CHRDL1: variants seen among roughly 807,000 people sequenced by gnomAD.
CHRDL1 encodes chordin-like protein 1.
CHRDL1 carries 19 observed loss-of-function variants against 40.9 expected under a neutral mutation model. That is an observed-to-expected ratio of 0.46 (90% confidence interval 0.32 to 0.68). The LOEUF is 0.68. Ranked by LOEUF, CHRDL1 falls within the 30% of genes least tolerant of loss-of-function variation. CHRDL1 has a pLI of 0.03. For missense variants in CHRDL1, 329 were observed against 352.1 expected (o/e 0.93, Z 0.53); for synonymous variants, 136 against 123.4 (o/e 1.10, Z -0.68).
At chrX:110,703,643 A>C (rs1431976120) in intron 6 of CHRDL1, among the ~76,000 whole-genome samples, 1 of 112,162 alleles carries the variant, frequency 8.9e-6, no homozygotes, top group Non-Finnish European at 1.9e-5. Flanking sequence ...AAACAGCCTA[A>C]AAACACACAA....
chrX:110,693,166 G>A (rs1228047449), intron 8 of CHRDL1, among the ~76,000 whole-genome samples: 2 of 109,177 alleles, frequency 1.8e-5, no homozygotes, highest in Non-Finnish European at 3.8e-5. Flanking sequence ...TGGGGGTGGG[G>A]GCAGGGGGCG....
chrX:110,686,650 G>A (rs961196470), intron 9 of CHRDL1, among the ~76,000 whole-genome samples: 3 of 109,976 alleles, frequency 2.7e-5, no homozygotes, highest in African/African-American at 6.7e-5. Context: ...TCCATTGGCC[G>A]GATACAGTGG....
intron 1 of CHRDL1, among the ~76,000 whole-genome samples, chrX:110,793,130 G>A (rs1421258043): frequency 8.9e-6 from 1 of 112,229 alleles, no homozygotes; most frequent in Non-Finnish European, 1.9e-5. Context: ...ATATTGAAAT[G>A]TTCTAAAAAC....
intron 2 of CHRDL1, among the ~76,000 whole-genome samples, chrX:110,763,361 G>A (rs761048509): frequency 2.8e-5 from 3 of 108,212 alleles, no homozygotes; most frequent in Admixed American, 1.0e-4. Flanking sequence ...CCACATATCA[G>A]TGAGATCATA....
At chrX:110,706,901 C>T (rs1051423173) in intron 6 of CHRDL1, among the ~76,000 whole-genome samples, 1 of 112,166 alleles carries the variant, frequency 8.9e-6, no homozygotes, top group Non-Finnish European at 1.9e-5. Flanking sequence ...ATCCCTGAGA[C>T]AGGGGAAATG....
At chrX:110,769,073 T>C (rs2089711394) in intron 2 of CHRDL1, among the ~76,000 whole-genome samples, 1 of 111,799 alleles carries the variant, frequency 8.9e-6, no homozygotes, top group African/African-American at 3.3e-5. Flanking sequence ...TATTTCTCCA[T>C]CAGAGTCCCT....
chrX:110,700,520 T>C (rs1161478106), intron 7 of CHRDL1, 134 bp downstream of exon 7: 1 of 492,402 alleles, frequency 2.0e-6, no homozygotes, highest in East Asian at 3.5e-5. Flanking sequence ...CATTAAAAAC[T>C]TTGAGAAAAG....
At chrX:110,720,030 C>T in intron 5 of CHRDL1, 102 bp from the exon 6 acceptor site, 2 of 455,085 alleles carry the variant, frequency 4.4e-6, no homozygotes, top group Non-Finnish European at 7.6e-6. Context: ...ACGGCATGTC[C>T]TTCCCCCCAG....
chrX:110,692,565 A>T (rs1256595275), intron 8 of CHRDL1, among the ~76,000 whole-genome samples: 2 of 112,505 alleles, frequency 1.8e-5, no homozygotes, highest in Non-Finnish European at 1.9e-5. Context: ...AGGCTTTGAA[A>T]TACTTTCACA....
intron 9 of CHRDL1, 118 bp downstream of exon 9, chrX:110,688,476 A>G (rs1031923232): frequency 1.9e-6 from 1 of 514,939 alleles, no homozygotes. Context: ...ATTCATTATT[A>G]TTAGAAATAT....
intron 6 of CHRDL1, among the ~76,000 whole-genome samples, chrX:110,715,934 T>C (rs1020396705): frequency 8.9e-6 from 1 of 112,413 alleles, no homozygotes; most frequent in Non-Finnish European, 1.9e-5. Context: ...ACAGCTACAC[T>C]GTAGTACAGA....
chrX:110,696,504 G>A (rs1024254440), intron 7 of CHRDL1, among the ~76,000 whole-genome samples: 5 of 110,282 alleles, frequency 4.5e-5, no homozygotes, highest in African/African-American at 1.7e-4. Flanking sequence ...TGTAGGAGTA[G>A]GGGGAAGATG....
At chrX:110,699,404 G>T (rs1336206094) in intron 7 of CHRDL1, among the ~76,000 whole-genome samples, 3 of 111,700 alleles carry the variant, frequency 2.7e-5, no homozygotes, top group Non-Finnish European at 5.6e-5. Flanking sequence ...GGCTTGCCCT[G>T]TAATTCCCTG....
chrX:110,678,839 T>C lies in CHRDL1; in HGVS notation c.1246+497A>G, dbSNP rs1264950007. 4.5e-5 allele frequency among the ~76,000 whole-genome samples: 5 copies of C among 110,914 alleles called. No individual in the cohort carries two copies. In the South Asian group the frequency reaches 1.5e-3, roughly 34 times the overall value. On this transcript the variant is annotated intron_variant, in intron 11 of 11. Coordinates refer to ENST00000372042, the MANE Select transcript of CHRDL1 (RefSeq NM_001143981.2). Reference sequence around the variant, plus strand: ...GGAAAGTGGGAGAGCTGCAAGTGTTTTTGAGTGCCTGAATGCTTTTAAGGA... The same window carrying C: ...GGAAAGTGGGAGAGCTGCAAGTGTTCTTGAGTGCCTGAATGCTTTTAAGGA...
chrX:110,707,058 C>T (rs775524257), intron 6 of CHRDL1, among the ~76,000 whole-genome samples: 19 of 111,276 alleles, frequency 1.7e-4, no homozygotes, highest in Non-Finnish European at 2.6e-4. Flanking sequence ...TGCTCCATAC[C>T]GAAGCTAGAG....
At chrX:110,677,758 G>A (rs2069809463) in intron 11 of CHRDL1, among the ~76,000 whole-genome samples, 1 of 111,611 alleles carries the variant, frequency 9.0e-6, no homozygotes, top group Non-Finnish European at 1.9e-5. Context: ...CTGCCTATTG[G>A]ACCCTAACTC....
At chrX:110,751,661 T>C (rs1341402338) in intron 4 of CHRDL1, among the ~76,000 whole-genome samples, 1 of 112,259 alleles carries the variant, frequency 8.9e-6, no homozygotes, top group Non-Finnish European at 1.9e-5. Context: ...GGAACTCATA[T>C]GCTGTTGGTG....
chrX:110,711,004 T>A (rs1490868709), intron 6 of CHRDL1, among the ~76,000 whole-genome samples: 1 of 111,463 alleles, frequency 9.0e-6, no homozygotes, highest in Non-Finnish European at 1.9e-5. Flanking sequence ...GGCATAGTGT[T>A]TGCATATAAC....
intron 6 of CHRDL1, among the ~76,000 whole-genome samples, chrX:110,704,343 G>A (rs1485344009): frequency 9.0e-6 from 1 of 111,504 alleles, no homozygotes; most frequent in Non-Finnish European, 1.9e-5. Flanking sequence ...TTTGTAAAAG[G>A]CTGAAGAATT....
Sources: gnomAD v4.1 joint callset for allele counts (sites outside exome capture counted in the v4.1 genomes callset) on GRCh38, gnomAD v4.1.1 for gene constraint, MANE v1.5 for transcripts, NCBI Gene and HGNC (gene_info 2026-07-23, HGNC 2026-07-21) for gene names.